The following LTBP1 variants were observed in gnomAD, a reference collection of about 807,000 sequenced individuals.
LTBP1 encodes latent transforming growth factor beta binding protein 1.
Under a neutral mutation model 207.6 loss-of-function variants are expected in LTBP1, and 129 were observed. The observed-to-expected ratio is 0.62, with a 90% CI of 0.54 to 0.72. The LOEUF (loss-of-function observed/expected upper bound fraction) is 0.72, where lower values mean the gene tolerates loss of function less well. Ranked by LOEUF, LTBP1 falls within the 30% of genes least tolerant of loss-of-function variation. The probability of loss-of-function intolerance (pLI) is 0.00; values close to 1 mark genes in which losing one functional copy is unlikely to be tolerated. For missense variants in LTBP1, 2,281 were observed against 2,217.2 expected, an observed-to-expected ratio of 1.03 and a Z score of -0.58; for synonymous variants, 963 against 833.7, an observed-to-expected ratio of 1.16 and a Z score of -2.67.
intron 2 of LTBP1, among the ~76,000 whole-genome samples, chr2:32,992,322 C>T (rs1011798149): frequency 6.6e-6 from 1 of 152,122 alleles, no homozygotes; most frequent in African/African-American, 2.4e-5. Flanking sequence ...AGAAGAGCTT[C>T]AGCATCAGGA....
chr2:33,130,241 G>C (rs915237297), intron 4 of LTBP1, among the ~76,000 whole-genome samples: 1 of 152,154 alleles, frequency 6.6e-6, no homozygotes, highest in African/African-American at 2.4e-5. Flanking sequence ...TATTGAATCA[G>C]CCTGTAGGTC....
intron 20 of LTBP1, among the ~76,000 whole-genome samples, chr2:33,300,084 G>C (rs954449425): frequency 1.3e-5 from 2 of 152,056 alleles, no homozygotes; most frequent in African/African-American, 2.4e-5. Flanking sequence ...TTTTCCTTCT[G>C]ACTTCTTTCA....
intron 10 of LTBP1, among the ~76,000 whole-genome samples, chr2:33,245,699 T>G (rs1316859350): frequency 6.6e-6 from 1 of 152,240 alleles, no homozygotes; most frequent in Non-Finnish European, 1.5e-5. Context: ...ACTTAGGGGA[T>G]CATTTTTGGC....
rs576527706 is a variant in LTBP1 at position 33,049,023 on chromosome 2, G to T, written c.863+27817G>T. ...ACTCATAATCTGTCCTTTCAAAGTA[G>T]AGGTGATACATTAACAATGAATAAG... On this transcript the variant is annotated intron_variant, in intron 3 of 33. Transcript: ENST00000404816. Among the ~76,000 whole-genome samples, 6 of 152,260 alleles carry T rather than the reference G, an allele frequency of 3.9e-5. No homozygotes were observed. The South Asian group carries it at 1.0e-3, about 26-fold the overall frequency.
chr2:33,034,989 C>T (rs1307215454), intron 3 of LTBP1, among the ~76,000 whole-genome samples: 1 of 152,180 alleles, frequency 6.6e-6, no homozygotes, highest in African/African-American at 2.4e-5. Flanking sequence ...GGGTTTAACT[C>T]CACTGGAATA....
intron 13 of LTBP1, among the ~76,000 whole-genome samples, chr2:33,261,899 C>G (rs907025376): frequency 4.6e-5 from 7 of 152,176 alleles, no homozygotes; most frequent in African/African-American, 1.7e-4. Flanking sequence ...AGTAAGCTTT[C>G]TGGAAGAGGA....
At chr2:32,990,679 C>G (rs553037414) in intron 2 of LTBP1, among the ~76,000 whole-genome samples, 1 of 152,254 alleles carries the variant, frequency 6.6e-6, no homozygotes, top group East Asian at 1.9e-4. Context: ...TGGGAGCAAT[C>G]TTCAGATTAC....
At chr2:32,970,102 C>T (rs1480735624) in intron 2 of LTBP1, among the ~76,000 whole-genome samples, 1 of 152,070 alleles carries the variant, frequency 6.6e-6, no homozygotes, top group Admixed American at 6.5e-5. Context: ...TTTGCCCATT[C>T]TTTAATGGGA....
chr2:33,155,864 C>A (rs1023581756), intron 5 of LTBP1, among the ~76,000 whole-genome samples: 2 of 152,124 alleles, frequency 1.3e-5, no homozygotes, highest in East Asian at 1.9e-4. Flanking sequence ...TTTTTGATAA[C>A]GTTTTGTTAA....
chr2:33,216,262 G>A (rs1296240574), intron 7 of LTBP1, among the ~76,000 whole-genome samples: 1 of 152,216 alleles, frequency 6.6e-6, no homozygotes, highest in Non-Finnish European at 1.5e-5. Flanking sequence ...TAAGGAGATA[G>A]GGGAGGTTTC....
At chr2:33,096,546 A>G (rs2079399930) in intron 3 of LTBP1, among the ~76,000 whole-genome samples, 1 of 152,204 alleles carries the variant, frequency 6.6e-6, no homozygotes, top group Non-Finnish European at 1.5e-5. Flanking sequence ...TTATCCTGAC[A>G]AGAACGACAA....
chr2:33,345,055 G>T lies in LTBP1; in HGVS notation c.3856+2092G>T, dbSNP rs113645715. ...AACAAATGCCATTTTATTTGTGTTT[G>T]TATTTATTATTTCAAAAATATTTAC... On this transcript the variant is annotated intron_variant, in intron 25 of 33. Coordinates refer to ENST00000404816, the MANE Select transcript of LTBP1 (RefSeq NM_206943.4). Among the ~76,000 whole-genome samples, 498 of 152,268 alleles carry T rather than the reference G, an allele frequency of 3.3e-3. 1 individual carries two copies. The highest frequency in any genetic ancestry group is 0.011 in the African/African-American group (466 of 41,552).
intron 31 of LTBP1, among the ~76,000 whole-genome samples, chr2:33,375,720 T>A (rs2095131235): frequency 1.3e-5 from 2 of 150,616 alleles, no homozygotes; most frequent in African/African-American, 4.9e-5. Context: ...TTTTTTTTTT[T>A]TTTAGTAGAG....
At chr2:33,291,224 A>C (rs1020058248) in intron 19 of LTBP1, among the ~76,000 whole-genome samples, 1 of 152,218 alleles carries the variant, frequency 6.6e-6, no homozygotes, top group Non-Finnish European at 1.5e-5. Context: ...GAAAAATAGA[A>C]GTTTTATAAG....
chr2:33,174,386 T>C (rs1331679406), intron 5 of LTBP1, among the ~76,000 whole-genome samples: 1 of 152,156 alleles, frequency 6.6e-6, no homozygotes, highest in Non-Finnish European at 1.5e-5. Context: ...AGCCAAATCA[T>C]GAGTGAACTC....
chr2:33,040,633 C>T (rs1319865629), intron 3 of LTBP1, among the ~76,000 whole-genome samples: 2 of 152,192 alleles, frequency 1.3e-5, no homozygotes, highest in Non-Finnish European at 2.9e-5. Context: ...TCCTTTTCTG[C>T]TCCACACTTT....
intron 5 of LTBP1, among the ~76,000 whole-genome samples, chr2:33,149,204 G>A: frequency 8.2e-6 from 1 of 121,310 alleles, no homozygotes; most frequent in African/African-American, 3.2e-5. Flanking sequence ...GACAGAGCGA[G>A]ACTCCGTCTC....
intron 19 of LTBP1, among the ~76,000 whole-genome samples, chr2:33,287,524 A>G (rs545114348): frequency 1.3e-5 from 2 of 152,358 alleles, no homozygotes; most frequent in Non-Finnish European, 2.9e-5. Flanking sequence ...TGGCTTGAGG[A>G]TTCTAGAGTT....
At chr2:32,987,506 G>C (rs1270116684) in intron 2 of LTBP1, among the ~76,000 whole-genome samples, 1 of 152,086 alleles carries the variant, frequency 6.6e-6, no homozygotes, top group African/African-American at 2.4e-5. Context: ...CCTGCCTCTG[G>C]GAGGTAGAAG....
Sources: allele counts gnomAD v4.1 joint callset (sites outside exome capture counted in the v4.1 genomes callset), GRCh38; gene constraint gnomAD v4.1.1; transcripts MANE v1.5; gene names NCBI Gene and HGNC (gene_info 2026-07-23, HGNC 2026-07-21).